The following ASAH2 variants were observed in gnomAD, a reference collection of about 807,000 sequenced individuals.
ASAH2 encodes N-acylsphingosine amidohydrolase 2.
Under a neutral mutation model 82.9 loss-of-function variants are expected in ASAH2, and 58 were observed. The ratio of observed to expected loss-of-function variants is 0.70; its 90% confidence interval spans 0.57 to 0.87. ASAH2 has a LOEUF of 0.87. Among genes scored for constraint, ASAH2 ranks in the 40% least tolerant of loss-of-function variants. ASAH2 has a pLI of 0.00. For synonymous variants in ASAH2, 276 were observed against 289.7 expected (o/e 0.95, Z 0.48); for missense variants, 779 against 834.0 (o/e 0.93, Z 0.81).
intron 3 of ASAH2, among the ~76,000 whole-genome samples, chr10:50,244,567 A>G (rs760769708): frequency 1.3e-5 from 2 of 152,260 alleles, no homozygotes; most frequent in Non-Finnish European, 2.9e-5. Flanking sequence ...AAGCACTGAC[A>G]TAAATGGGTA....
intron 7 of ASAH2, among the ~76,000 whole-genome samples, chr10:50,222,702 C>A (rs1336591798): frequency 6.6e-6 from 1 of 152,162 alleles, no homozygotes; most frequent in Non-Finnish European, 1.5e-5. Context: ...AGGAAGATGT[C>A]ATATTTTTCC....
chr10:50,230,784 G>A (rs1470895460), intron 7 of ASAH2, among the ~76,000 whole-genome samples: 3 of 152,104 alleles, frequency 2.0e-5, no homozygotes, highest in Non-Finnish European at 2.9e-5. Flanking sequence ...GCTCACACCT[G>A]TAATCCAAGC....
At position 50,235,773 on chromosome 10, in the gene ASAH2, C is replaced by T. The variant is rs1589352075; in HGVS notation, c.687+115G>A. 4.4e-6 allele frequency: 5 copies of T among 1,138,214 alleles called. No individual in the cohort carries two copies. In the East Asian group the frequency reaches 9.4e-5, roughly 21 times the overall value. 70.5% of individuals were successfully genotyped at this position (1,138,214 alleles called of 1,614,324 possible). ...CAGGGAGGAGAAAGAATTGTACATG[C>T]TAATACTATGCTCAGACCCAAATCC... On this transcript the variant is annotated intron_variant, in intron 5 of 20. Transcript: ENST00000682911.
intron 9 of ASAH2, 86 bp from the exon 10 acceptor site, chr10:50,213,144 T>C (rs1303571400): frequency 3.2e-6 from 4 of 1,257,694 alleles, no homozygotes; most frequent in African/African-American, 2.9e-5. Flanking sequence ...TCTAAGCAAA[T>C]AGATTTTTAA....
At chr10:50,249,196 G>A (rs1846551730) in intron 1 of ASAH2, among the ~76,000 whole-genome samples, 1 of 152,192 alleles carries the variant, frequency 6.6e-6, no homozygotes, top group Non-Finnish European at 1.5e-5. Context: ...ACTATCTGGT[G>A]AGAAATGGGC....
chr10:50,245,490 C>CA, intron 2 of ASAH2, 36 bp from the exon 3 acceptor site: 1 of 1,560,110 alleles, frequency 6.4e-7, no homozygotes, highest in Non-Finnish European at 8.7e-7. Context: ...AACAACATTT[C>CA]AGCCCTCTTA....
chr10:50,213,174 T>G, intron 9 of ASAH2, 116 bp from the exon 10 acceptor site: 1 of 953,794 alleles, frequency 1.0e-6, no homozygotes, highest in Non-Finnish European at 1.7e-6. Context: ...CTTGCATTTC[T>G]TTTCAGGTAG....
At chr10:50,217,721 AAACT>A (rs1278304878) in intron 8 of ASAH2, among the ~76,000 whole-genome samples, 9 of 152,216 alleles carry the variant, frequency 5.9e-5, no homozygotes, top group Non-Finnish European at 1.2e-4. Flanking sequence ...AACACAAAAC[AAACT>A]AAGACAGAGC....
intron 4 of ASAH2, among the ~76,000 whole-genome samples, chr10:50,242,975 G>A (rs557822998): frequency 2.0e-5 from 3 of 152,268 alleles, no homozygotes; most frequent in African/African-American, 7.2e-5. Flanking sequence ...ATGATGATGA[G>A]TCATCAGCAG....
rs1846152957 is a variant in ASAH2 at position 50,236,067 on chromosome 10, T to A, written c.511-3A>T. 1 of 1,612,748 alleles carries A rather than the reference T, an allele frequency of 6.2e-7. No individual in the cohort carries two copies. Among genetic ancestry groups the A allele is most frequent in the Admixed American group, 1.7e-5 (1 of 59,896 alleles). ...TTACTCTGCAGTCTGTTCAGGACCT[T>A]CAAGAAAAAAAGTAATTGAACTAAG... On this transcript the variant is annotated splice_region_variant and splice_polypyrimidine_tract_variant and intron_variant, in intron 4 of 20. Transcript: ENST00000682911.
At chr10:50,218,881 T>C (rs1360610584) in intron 7 of ASAH2, among the ~76,000 whole-genome samples, 3 of 152,222 alleles carry the variant, frequency 2.0e-5, no homozygotes, top group East Asian at 1.9e-4. Context: ...ATTGGCATCA[T>C]CATTGGACTG....
chr10:50,235,243 C>G (rs1432584768), intron 5 of ASAH2, among the ~76,000 whole-genome samples: 5 of 151,992 alleles, frequency 3.3e-5, no homozygotes, highest in Non-Finnish European at 7.4e-5. Flanking sequence ...AGCTGGATCT[C>G]TGAATTTTGG....
intron 7 of ASAH2, among the ~76,000 whole-genome samples, chr10:50,220,372 C>T (rs1370522476): frequency 6.6e-6 from 1 of 152,078 alleles, no homozygotes; most frequent in African/African-American, 2.4e-5. Context: ...ATGAAATCAA[C>T]CTAAATGCCC....
intron 17 of ASAH2, 97 bp downstream of exon 17, chr10:50,198,954 C>T: frequency 7.3e-7 from 1 of 1,363,342 alleles, no homozygotes. Flanking sequence ...TCACTTCCCT[C>T]TGCATTTTCT....
intron 7 of ASAH2, among the ~76,000 whole-genome samples, chr10:50,227,306 GA>G (rs1216068330): frequency 1.1e-4 from 17 of 150,874 alleles, no homozygotes; most frequent in African/African-American, 4.1e-4. Flanking sequence ...TATTAGATAA[GA>G]AGAGGATCAC....
rs1331237654 is a variant in ASAH2, at chr10:50,243,210, T to G, written c.502A>C (p.Arg168=). The change falls in exon 4 of 21, where the codon AGG becomes CGG. Residue 168 remains arginine, a synonymous_variant. Transcript: ENST00000682911. Reference sequence around the variant, plus strand: ...CCTCTCAAATCACTTACCTCCAGCCTGAGCCTTTGTGATACCATGCCTATG... The same window carrying G: ...CCTCTCAAATCACTTACCTCCAGCCGGAGCCTTTGTGATACCATGCCTATG... ...IDIGMVSQRL[R]LEVLNRLQSK... The G allele has an allele frequency of 2.5e-6, 4 of 1,613,902 alleles. No individual in the cohort carries two copies. In the African/African-American group the frequency reaches 5.3e-5, roughly 22 times the overall value.
At chr10:50,212,061 A>G (rs1213172057) in intron 10 of ASAH2, among the ~76,000 whole-genome samples, 10 of 152,192 alleles carry the variant, frequency 6.6e-5, no homozygotes, top group African/African-American at 2.4e-4. Context: ...AATTAAAAAG[A>G]AACTGCAGCG....
At chr10:50,206,138 C>G (rs1845289686) in intron 12 of ASAH2, 41 bp from the exon 13 acceptor site, 1 of 1,399,682 alleles carries the variant, frequency 7.1e-7, no homozygotes, top group African/African-American at 1.4e-5. Flanking sequence ...CTTGAACCAA[C>G]CCTCTCAAAA....
chr10:50,212,889 A>G (rs952744119), intron 10 of ASAH2, 83 bp downstream of exon 10: 4 of 1,345,512 alleles, frequency 3.0e-6, no homozygotes, highest in Non-Finnish European at 4.3e-6. Flanking sequence ...TTCTTTAAGT[A>G]TTCAACTTCC....
Sources: gnomAD v4.1 joint callset for allele counts (sites outside exome capture counted in the v4.1 genomes callset) on GRCh38, gnomAD v4.1.1 for gene constraint, MANE v1.5 for transcripts, NCBI Gene and HGNC (gene_info 2026-07-23, HGNC 2026-07-21) for gene names.